LRRC28: variants seen among roughly 807,000 people sequenced by gnomAD.
The protein encoded by LRRC28 is leucine-rich repeat-containing protein 28.
Under a neutral mutation model 45.7 loss-of-function variants are expected in LRRC28, and 39 were observed. That is an observed-to-expected ratio of 0.85 (90% CI 0.66 to 1.12). LRRC28 has a LOEUF of 1.12. LRRC28 is among the 50% of genes most tolerant of loss of function. LRRC28 has a pLI of 0.00. For synonymous variants in LRRC28, 206 were observed against 178.8 expected, an observed-to-expected ratio of 1.15 and a Z score of -1.22; for missense variants, 435 against 438.5, an observed-to-expected ratio of 0.99 and a Z score of 0.07.
chr15:99,283,571 G>A (rs1167402917), intron 3 of LRRC28, among the ~76,000 whole-genome samples: 4 of 136,908 alleles, frequency 2.9e-5, no homozygotes, highest in African/African-American at 1.1e-4. Context: ...AGCAGAGATC[G>A]AGCCACGGCA....
intron 2 of LRRC28, among the ~76,000 whole-genome samples, chr15:99,270,164 C>G (rs1045136770): frequency 2.0e-5 from 3 of 152,162 alleles, no homozygotes; most frequent in African/African-American, 7.2e-5. Context: ...CTTATTGATT[C>G]AACTAAAAAG....
intron 3 of LRRC28, among the ~76,000 whole-genome samples, chr15:99,282,197 A>T (rs1410163211): frequency 2.4e-4 from 2 of 8,224 alleles, no homozygotes; most frequent in African/African-American, 1.1e-3. Flanking sequence ...TTTTTGTAGC[A>T]GTAGCTCTCT....
chr15:99,256,276 T>C (rs2152121303), intron 2 of LRRC28, 151 bp downstream of exon 2: 2 of 571,566 alleles, frequency 3.5e-6, no homozygotes, highest in South Asian at 4.6e-5. Flanking sequence ...GGGTTTCTCA[T>C]TGGCTATGAA....
chr15:99,267,786 G>A (rs61452337), intron 2 of LRRC28, among the ~76,000 whole-genome samples: 3,607 of 152,264 alleles, frequency 0.024, 150 homozygotes, highest in African/African-American at 0.082. Flanking sequence ...AGATTTAGAA[G>A]CTTTTCTGTC....
chr15:99,351,280 A>C (rs1300402913), intron 6 of LRRC28, among the ~76,000 whole-genome samples: 3 of 152,124 alleles, frequency 2.0e-5, no homozygotes, highest in Admixed American at 6.5e-5. Context: ...ATATCTGAGA[A>C]GTGTCTCCAC....
At chr15:99,298,953 C>T (rs2082331617) in intron 5 of LRRC28, among the ~76,000 whole-genome samples, 1 of 152,238 alleles carries the variant, frequency 6.6e-6, no homozygotes. Context: ...AGGCAATCTG[C>T]CTGCCTCTGC....
chr15:99,379,024 G>A (rs1403192699), intron 9 of LRRC28, among the ~76,000 whole-genome samples: 5 of 151,722 alleles, frequency 3.3e-5, no homozygotes, highest in African/African-American at 1.2e-4. Context: ...GTCTCGCCAG[G>A]CTTTGGTATC....
chr15:99,275,847 G>A (rs2152173294), intron 2 of LRRC28, among the ~76,000 whole-genome samples: 1 of 152,288 alleles, frequency 6.6e-6, no homozygotes, highest in East Asian at 1.9e-4. Flanking sequence ...GTTTCTCTAA[G>A]GCAGGGGTCC....
At chr15:99,257,105 T>C (rs2152121965) in intron 2 of LRRC28, among the ~76,000 whole-genome samples, 1 of 152,374 alleles carries the variant, frequency 6.6e-6, no homozygotes, top group East Asian at 1.9e-4. Flanking sequence ...CTATGTACAA[T>C]GCCTATAGTG....
At chr15:99,297,249 C>G (rs999812620) in intron 5 of LRRC28, 1 of 150,814 alleles carries the variant, frequency 6.6e-6, no homozygotes, top group Admixed American at 6.6e-5. Context: ...CTTTCAGTCA[C>G]TTTATATTTT....
intron 5 of LRRC28, among the ~76,000 whole-genome samples, chr15:99,290,152 G>A (rs915264829): frequency 6.6e-6 from 1 of 151,526 alleles, no homozygotes; most frequent in African/African-American, 2.4e-5. Flanking sequence ...TCAGCTACTT[G>A]GGAGGCTGAA....
intron 5 of LRRC28, among the ~76,000 whole-genome samples, chr15:99,314,437 CTAAATAAATAAA>C (rs71922869): frequency 2.9e-4 from 37 of 127,832 alleles, no homozygotes; most frequent in Middle Eastern, 8.1e-3. Context: ...GACCTTGTCT[CTAAATAAATAAA>C]TAAATAAATA....
At chr15:99,287,748 T>G (rs2081995975) in intron 4 of LRRC28, 66 bp from the exon 5 acceptor site, 8 of 1,486,558 alleles carry the variant, frequency 5.4e-6, no homozygotes, top group East Asian at 2.4e-5. Context: ...CTTGGAATAC[T>G]TGCTTTAAAG....
chr15:99,283,615 CA>C (rs59399248), intron 3 of LRRC28, among the ~76,000 whole-genome samples: 9,254 of 89,662 alleles, frequency 0.1, 327 homozygotes, highest in East Asian at 0.31. Flanking sequence ...GACTCCTTCT[CA>C]AAAAAAAAAA....
At chr15:99,251,562 C>T (rs930387226) in intron 1 of LRRC28, 21 bp downstream of exon 1, 1 of 152,274 alleles carries the variant, frequency 6.6e-6, no homozygotes, top group African/African-American at 2.4e-5. Context: ...CTGTCCGCCT[C>T]GTCGGGTGAT....
At chr15:99,268,512 AT>A (rs2081389937) in intron 2 of LRRC28, among the ~76,000 whole-genome samples, 1 of 152,162 alleles carries the variant, frequency 6.6e-6, no homozygotes, top group African/African-American at 2.4e-5. Flanking sequence ...ACAAGTTTAA[AT>A]TCATTTTTCA....
At chr15:99,382,739 T>C (rs546585047) in intron 9 of LRRC28, among the ~76,000 whole-genome samples, 1 of 152,222 alleles carries the variant, frequency 6.6e-6, no homozygotes, top group South Asian at 2.1e-4. Context: ...TGACTTGGTA[T>C]ATGGTCCATG....
intron 5 of LRRC28, among the ~76,000 whole-genome samples, chr15:99,323,073 G>A (rs1389645595): frequency 1.3e-5 from 2 of 152,062 alleles, no homozygotes; most frequent in African/African-American, 2.4e-5. Context: ...TACTGCTTTT[G>A]TAGATTCTCT....
In LRRC28 at chr15:99,388,920, C is replaced by T. The variant is rs1343947866; in HGVS notation, c.*2818C>T. 3 of 152,246 alleles carry T rather than the reference C, an allele frequency of 2.0e-5. No homozygotes were observed. Among genetic ancestry groups the T allele is most frequent in the Admixed American group, 2.0e-4 (3 of 15,294 alleles). The allele number at this position is 152,246 out of a possible 1,614,324, so 9.4% of individuals were successfully genotyped here. ...AAGGGGGCCGATTTTAGTGGATTAC[C>T]CTATCAGTGTTCTTCAGTATGTCCA... On this transcript the variant is annotated 3_prime_UTR_variant, in exon 10 of 10. Coordinates refer to ENST00000301981, the MANE Select transcript of LRRC28 (RefSeq NM_144598.5).
Sources: gnomAD v4.1 joint callset for allele counts (sites outside exome capture counted in the v4.1 genomes callset) on GRCh38, gnomAD v4.1.1 for gene constraint, MANE v1.5 for transcripts, NCBI Gene and HGNC (gene_info 2026-07-23, HGNC 2026-07-21) for gene names.